Variants in KMT2E observed in about 807,000 individuals in gnomAD.
The protein encoded by KMT2E is histone reader KMT2E.
KMT2E carries 30 observed loss-of-function variants against 184.6 expected under a neutral mutation model. The observed-to-expected ratio is 0.16, with a 90% CI of 0.12 to 0.22. The LOEUF is 0.22. Among genes scored for constraint, KMT2E ranks in the 10% least tolerant of loss-of-function variants. The pLI is 1.00. For missense variants in KMT2E, 2,023 were observed against 2,237.4 expected (o/e 0.90, Z 1.93); for synonymous variants, 815 against 776.5 (o/e 1.05, Z -0.82).
intron 1 of KMT2E, among the ~76,000 whole-genome samples, chr7:105,014,984 C>G (rs903389997): frequency 6.6e-6 from 1 of 152,118 alleles, no homozygotes. Flanking sequence ...TCTTCCATTT[C>G]TTGACGGGCA....
chr7:105,071,720 G>C (rs1231903192), intron 6 of KMT2E, among the ~76,000 whole-genome samples: 3 of 145,294 alleles, frequency 2.1e-5, no homozygotes, highest in East Asian at 4.4e-4. Flanking sequence ...GCCTCCCAGA[G>C]TGCTGAGATT....
At chr7:105,019,180 CA>C (rs1361742958) in intron 1 of KMT2E, among the ~76,000 whole-genome samples, 1 of 152,034 alleles carries the variant, frequency 6.6e-6, no homozygotes, top group African/African-American at 2.4e-5. Context: ...GATTTTAATT[CA>C]TATCTTTAAG....
At chr7:105,077,490 C>A in intron 11 of KMT2E, 57 bp downstream of exon 11, 1 of 1,336,762 alleles carries the variant, frequency 7.5e-7, no homozygotes, top group Non-Finnish European at 1.1e-6. Flanking sequence ...GAACTTTTGG[C>A]TGTTTTACCT....
intron 1 of KMT2E, among the ~76,000 whole-genome samples, chr7:105,025,404 TAAA>T (rs1251209006): frequency 6.6e-6 from 1 of 152,170 alleles, no homozygotes; most frequent in Non-Finnish European, 1.5e-5. Context: ...TGGAAAAAAG[TAAA>T]AAAGTAAATC....
intron 13 of KMT2E, among the ~76,000 whole-genome samples, chr7:105,084,875 AAT>A (rs1797898922): frequency 6.6e-6 from 1 of 152,180 alleles, no homozygotes; most frequent in African/African-American, 2.4e-5. Context: ...ATGATTTAAT[AAT>A]ATGTCTTTAC....
intron 1 of KMT2E, among the ~76,000 whole-genome samples, chr7:105,021,520 T>TA (rs1584685940): frequency 6.6e-6 from 1 of 152,192 alleles, no homozygotes; most frequent in East Asian, 1.9e-4. Context: ...GGATTTGTTA[T>TA]AAGGCTATAG....
chr7:105,078,642 G>A (rs1797628415), intron 11 of KMT2E, among the ~76,000 whole-genome samples: 1 of 132,362 alleles, frequency 7.6e-6, no homozygotes, highest in Non-Finnish European at 1.6e-5. Context: ...ACAGGCACAT[G>A]CTACCATGCC....
At chr7:105,054,229 A>G (rs146522033) in intron 3 of KMT2E, among the ~76,000 whole-genome samples, 3 of 151,990 alleles carry the variant, frequency 2.0e-5, no homozygotes, top group African/African-American at 7.2e-5. Context: ...AGAATTAAGA[A>G]TTACTTTTGT....
chr7:105,045,582 A>G (rs1796070870), intron 3 of KMT2E, among the ~76,000 whole-genome samples: 1 of 152,170 alleles, frequency 6.6e-6, no homozygotes, highest in Admixed American at 6.5e-5. Flanking sequence ...ACTTAGCATA[A>G]TGTTTTCAGG....
intron 20 of KMT2E, 123 bp downstream of exon 20, chr7:105,106,895 C>G: frequency 1.0e-6 from 1 of 992,732 alleles, no homozygotes. Flanking sequence ...TTGTAAGAAA[C>G]TAAAAATCAG....
chr7:105,025,502 A>C (rs926672254), intron 1 of KMT2E, among the ~76,000 whole-genome samples: 14 of 152,146 alleles, frequency 9.2e-5, no homozygotes, highest in African/African-American at 2.9e-4. Flanking sequence ...TGTTTTATGT[A>C]GGTACTATAG....
intron 16 of KMT2E, 87 bp downstream of exon 16, chr7:105,101,676 A>G: frequency 8.6e-7 from 1 of 1,166,378 alleles, no homozygotes; most frequent in Non-Finnish European, 1.1e-6. Flanking sequence ...AGGAATTTAA[A>G]ATAATGTCTA....
At chr7:105,096,439 T>C (rs1798415587) in intron 15 of KMT2E, among the ~76,000 whole-genome samples, 1 of 152,110 alleles carries the variant, frequency 6.6e-6, no homozygotes, top group Admixed American at 6.5e-5. Context: ...CCACAGAAGA[T>C]GATTCAGTGT....
chr7:105,097,100 G>T (rs1798441194), intron 15 of KMT2E, among the ~76,000 whole-genome samples: 1 of 152,194 alleles, frequency 6.6e-6, no homozygotes. Context: ...AAACACTGCA[G>T]AATCCATGCT....
intron 1 of KMT2E, among the ~76,000 whole-genome samples, chr7:105,025,150 ACTT>A (rs1472407448): frequency 6.6e-6 from 1 of 152,158 alleles, no homozygotes; most frequent in Non-Finnish European, 1.5e-5. Context: ...TCAAAACAGT[ACTT>A]CTTTAGAAGC....
At chr7:105,092,368 C>T (rs545115114) in intron 15 of KMT2E, among the ~76,000 whole-genome samples, 14 of 152,256 alleles carry the variant, frequency 9.2e-5, no homozygotes, top group Admixed American at 7.2e-4. Flanking sequence ...TGCCACTGCA[C>T]TCCAACCTGG....
At chr7:105,080,099 G>A (rs1797699706) in intron 12 of KMT2E, among the ~76,000 whole-genome samples, 1 of 150,466 alleles carries the variant, frequency 6.6e-6, no homozygotes, top group Non-Finnish European at 1.5e-5. Flanking sequence ...CTCCTGCCTC[G>A]GCCTCCCTAA....
intron 3 of KMT2E, among the ~76,000 whole-genome samples, chr7:105,054,815 C>T (rs576448010): frequency 1.7e-4 from 26 of 152,008 alleles, no homozygotes; most frequent in Non-Finnish European, 2.8e-4. Flanking sequence ...ACGCCCAGCC[C>T]GCAAGTTGCA....
rs1322819859 is a variant in KMT2E, at chr7:105,066,794, C to T, written c.484C>T (p.Arg162Cys). The change falls in exon 6 of 27, where the codon CGT (arginine) becomes TGT (cysteine). Residue 162 changes from arginine (R) to cysteine (C), a missense_variant. Arg to Cys is a radical substitution (Grantham distance 180, BLOSUM62 -3). This residue lies in a region of KMT2E where 30 missense variants were observed against 80.6 expected (regional missense o/e 0.37). Coordinates refer to ENST00000311117, the MANE Select transcript of KMT2E (RefSeq NM_182931.3). ...TATTCCTGATACATATCTATGTGAA[C>T]GTTGTCAGCCTAGGTAAGTTGCACA... ...QHIPDTYLCE[R>C]CQPRNLDKER... 6.2e-7 allele frequency: 1 copy of T among 1,608,980 alleles called. No individual in the cohort carries two copies. The highest frequency in any genetic ancestry group is 8.5e-7 in the Non-Finnish European group (1 of 1,176,432).
Sources: allele counts gnomAD v4.1 joint callset (sites outside exome capture counted in the v4.1 genomes callset), GRCh38; gene constraint gnomAD v4.1.1; regional missense constraint gnomAD v4.1.1; transcripts MANE v1.5; gene names NCBI Gene and HGNC (gene_info 2026-07-23, HGNC 2026-07-21).